SLC35F4: variants seen among roughly 807,000 people sequenced by gnomAD.
SLC35F4 encodes the protein solute carrier family 35 member F4.
SLC35F4 carries 24 observed loss-of-function variants against 44.2 expected under a neutral mutation model. The ratio of observed to expected loss-of-function variants is 0.54; its 90% CI spans 0.39 to 0.76. The LOEUF (loss-of-function observed/expected upper bound fraction) is 0.76. Among genes scored for constraint, SLC35F4 ranks in the 30% least tolerant of loss-of-function variants. The pLI is 0.00. For synonymous variants in SLC35F4, 238 were observed against 223.6 expected (o/e 1.06, Z -0.57); for missense variants, 562 against 586.1 (o/e 0.96, Z 0.42).
At chr14:57,758,349 A>AT (rs375234024) in intron 1 of SLC35F4, among the ~76,000 whole-genome samples, 1 of 151,616 alleles carries the variant, frequency 6.6e-6, no homozygotes, top group Non-Finnish European at 1.5e-5. Flanking sequence ...CCATTACTTT[A>AT]TTTTTTTCTT....
chr14:57,980,666 G>A (rs540889780), intron 1 of SLC35F4, among the ~76,000 whole-genome samples: 6 of 152,202 alleles, frequency 3.9e-5, no homozygotes, highest in Non-Finnish European at 5.9e-5. Context: ...TTGTGTACAT[G>A]TATGTGTGGT....
intron 1 of SLC35F4, among the ~76,000 whole-genome samples, chr14:57,740,582 A>G (rs952749948): frequency 6.6e-6 from 1 of 152,216 alleles, no homozygotes; most frequent in Non-Finnish European, 1.5e-5. Context: ...AGTGTTTGAA[A>G]GAGAAGTAGG....
intron 1 of SLC35F4, among the ~76,000 whole-genome samples, chr14:57,679,063 A>G (rs2074800881): frequency 6.6e-6 from 1 of 152,114 alleles, no homozygotes. Context: ...TCCCAAATCA[A>G]CAGAATATAC....
intron 1 of SLC35F4, among the ~76,000 whole-genome samples, chr14:57,931,681 T>G (rs529150451): frequency 1.3e-5 from 2 of 152,206 alleles, no homozygotes; most frequent in Non-Finnish European, 2.9e-5. Context: ...CTGGGAGAGC[T>G]CCAATTGCTG....
Position 57,941,964 on chromosome 14 carries a change from C to G in SLC35F4, n.282+39949G>C, listed in dbSNP as rs17093980. The stretch of plus-strand genomic sequence containing the variant: ...AGGTCTGCATCTTATCAAGTGATGA[C>G]TTCACCTAGGAGTGGCAAAGCATCT... On this transcript the variant is annotated intron_variant and non_coding_transcript_variant, in intron 1 of 1. Transcript: ENST00000556568. Among the ~76,000 whole-genome samples the G allele has an allele frequency of 0.02, 3,096 of 152,276 alleles. 341 individuals carry two copies. In the East Asian group the frequency reaches 0.35, roughly 17 times the overall value.
At chr14:57,679,161 C>A (rs919783561) in intron 1 of SLC35F4, among the ~76,000 whole-genome samples, 1 of 151,950 alleles carries the variant, frequency 6.6e-6, no homozygotes, top group Non-Finnish European at 1.5e-5. Flanking sequence ...GAATGAAAAT[C>A]ATAACAAAGA....
intron 1 of SLC35F4, among the ~76,000 whole-genome samples, chr14:57,758,488 T>C (rs933039657): frequency 6.6e-6 from 1 of 152,158 alleles, no homozygotes; most frequent in Non-Finnish European, 1.5e-5. Flanking sequence ...TCCCAGATAT[T>C]ATAGTTTTCT....
chr14:57,647,311 AT>A (rs1184036052), intron 1 of SLC35F4, among the ~76,000 whole-genome samples: 3 of 152,068 alleles, frequency 2.0e-5, no homozygotes, highest in African/African-American at 7.2e-5. Flanking sequence ...TCCTCCTGTT[AT>A]TGGGTGCATA....
chr14:57,812,610 A>C (rs915469288), intron 1 of SLC35F4, among the ~76,000 whole-genome samples: 1 of 152,154 alleles, frequency 6.6e-6, no homozygotes, highest in African/African-American at 2.4e-5. Context: ...CCTGGGGCCC[A>C]ATGAATTTGG....
intron 1 of SLC35F4, among the ~76,000 whole-genome samples, chr14:57,782,814 C>T (rs2347361): frequency 0.012 from 1,816 of 152,266 alleles, 32 homozygotes; most frequent in African/African-American, 0.042. Flanking sequence ...CCATTAGAAC[C>T]ATATAAAGTG....
chr14:57,670,038 T>A (rs531691263), intron 1 of SLC35F4, among the ~76,000 whole-genome samples: 18 of 152,280 alleles, frequency 1.2e-4, no homozygotes, highest in African/African-American at 4.3e-4. Flanking sequence ...GAGATTCAAC[T>A]TCTTCCTGGT....
chr14:57,665,944 C>T (rs2074292749), intron 1 of SLC35F4, among the ~76,000 whole-genome samples: 1 of 152,112 alleles, frequency 6.6e-6, no homozygotes, highest in Admixed American at 6.5e-5. Flanking sequence ...CACATGGACA[C>T]ATAGAGGGGG....
At chr14:57,919,246 T>TA (rs1229095552) in intron 1 of SLC35F4, among the ~76,000 whole-genome samples, 1 of 152,222 alleles carries the variant, frequency 6.6e-6, no homozygotes, top group Non-Finnish European at 1.5e-5. Context: ...GTTAAGCCAC[T>TA]AAATGTTTGA....
intron 1 of SLC35F4, among the ~76,000 whole-genome samples, chr14:57,756,709 C>G (rs1488339098): frequency 1.3e-5 from 2 of 152,124 alleles, no homozygotes; most frequent in Non-Finnish European, 2.9e-5. Flanking sequence ...GGCTGGAGTG[C>G]AGTGGCATGA....
chr14:57,859,385 C>T (rs927211239), intron 1 of SLC35F4, among the ~76,000 whole-genome samples: 44 of 152,138 alleles, frequency 2.9e-4, no homozygotes, highest in African/African-American at 1.1e-3. Context: ...AATGTTAACA[C>T]TAATCATCTC....
intron 1 of SLC35F4, among the ~76,000 whole-genome samples, chr14:57,875,751 T>C (rs1888385821): frequency 6.6e-6 from 1 of 152,210 alleles, no homozygotes; most frequent in African/African-American, 2.4e-5. Flanking sequence ...CCAAAGTAAG[T>C]TGCAGGTTAA....
chr14:57,869,458 C>G (rs569710173), upstream of SLC35F4, among the ~76,000 whole-genome samples: 13 of 152,230 alleles, frequency 8.5e-5, no homozygotes, highest in African/African-American at 3.1e-4. Context: ...ATCAGAAAAT[C>G]TGGGCTTTAG....
At chr14:57,967,515 G>C (rs12232191) in intron 1 of SLC35F4, among the ~76,000 whole-genome samples, 1 of 152,000 alleles carries the variant, frequency 6.6e-6, no homozygotes, top group South Asian at 2.1e-4. Context: ...TTCTCCATTA[G>C]GCCTCAGAGA....
chr14:57,571,348 G>A (rs538568041), intron 5 of SLC35F4, among the ~76,000 whole-genome samples: 169 of 152,308 alleles, frequency 1.1e-3, no homozygotes, highest in African/African-American at 4.0e-3. Context: ...ATCCATCAGA[G>A]AGAAAAAGAG....
Sources: allele counts gnomAD v4.1 joint callset (sites outside exome capture counted in the v4.1 genomes callset), GRCh38; gene constraint gnomAD v4.1.1; transcripts MANE v1.5; gene names NCBI Gene and HGNC (gene_info 2026-07-23, HGNC 2026-07-21).